DISC1: variants seen among roughly 807,000 people sequenced by gnomAD.
DISC1 encodes disrupted in schizophrenia 1 protein.
Under a neutral mutation model 84.5 loss-of-function variants are expected in DISC1, and 57 were observed. The observed-to-expected ratio is 0.67, with a 90% CI of 0.55 to 0.84. The LOEUF (loss-of-function observed/expected upper bound fraction) is 0.84. DISC1 is among the 40% of genes least tolerant of loss of function. The probability of loss-of-function intolerance (pLI) is 0.00; values close to 1 mark genes in which losing one functional copy is unlikely to be tolerated. For synonymous variants in DISC1, 411 were observed against 415.2 expected, an observed-to-expected ratio of 0.99 and a Z score of 0.12; for missense variants, 1,000 against 1,057.8, an observed-to-expected ratio of 0.95 and a Z score of 0.76.
rs114308099 is a variant in DISC1, at chr1:231,754,632, A to G, written c.1268+4556A>G. Among the ~76,000 whole-genome samples the G allele has an allele frequency of 7.3e-3, 1,105 of 152,306 alleles. 11 individuals carry two copies. The highest frequency in any genetic ancestry group is 0.025 in the African/African-American group (1,041 of 41,550). On this transcript the variant is annotated intron_variant, in intron 4 of 12. Coordinates refer to ENST00000439617, the MANE Select transcript of DISC1 (RefSeq NM_018662.3). ...TTGGGTGGGGACGCAGATCCAAACC[A>G]TAGCAGAGAGTGATGCTTTTATTCT...
At chr1:231,665,938 C>T (rs578222491) in intron 1 of DISC1, among the ~76,000 whole-genome samples, 1 of 152,176 alleles carries the variant, frequency 6.6e-6, no homozygotes, top group Non-Finnish European at 1.5e-5. Flanking sequence ...TCAGCTGCAT[C>T]GTCACCCTCT....
At chr1:231,720,450 T>G (rs2069502367) in intron 3 of DISC1, among the ~76,000 whole-genome samples, 1 of 152,146 alleles carries the variant, frequency 6.6e-6, no homozygotes, top group Non-Finnish European at 1.5e-5. Context: ...GCGATCCTCC[T>G]GCCTCAGCCT....
chr1:231,822,866 G>A (rs1464012494), intron 9 of DISC1, among the ~76,000 whole-genome samples: 3 of 152,062 alleles, frequency 2.0e-5, no homozygotes, highest in Admixed American at 6.6e-5. Flanking sequence ...AGAGAGAGAA[G>A]GGACATGACA....
intron 9 of DISC1, among the ~76,000 whole-genome samples, chr1:231,901,137 G>A (rs1194530493): frequency 6.6e-6 from 1 of 152,170 alleles, no homozygotes; most frequent in Non-Finnish European, 1.5e-5. Context: ...GTTCTCAAAT[G>A]TTATTGCTTC....
rs922932155 is a variant in DISC1, at chr1:231,630,622, A to T, written c.67+3688A>T. ...AACCACCGGTGAAGAGCCATTTTTC[A>T]GTCAGCACCGTTTAGTAATATAAGA... On this transcript the variant is annotated intron_variant, in intron 1 of 12. Coordinates refer to ENST00000439617, the MANE Select transcript of DISC1 (RefSeq NM_018662.3). This position sits in a 1 kb window ranked among gnomAD's most constrained non-coding sequence, Gnocchi z 4.4. Among the ~76,000 whole-genome samples, 1 of 152,150 alleles carries T rather than the reference A, an allele frequency of 6.6e-6. No homozygotes were observed. The highest frequency in any genetic ancestry group is 2.4e-5 in the African/African-American group (1 of 41,440).
intron 9 of DISC1, among the ~76,000 whole-genome samples, chr1:231,834,448 C>G (rs1174666807): frequency 2.0e-5 from 3 of 152,128 alleles, no homozygotes; most frequent in African/African-American, 7.2e-5. Flanking sequence ...AAAAGAATGT[C>G]TGGACGTCAG....
intron 6 of DISC1, among the ~76,000 whole-genome samples, chr1:231,782,629 A>C (rs1443680192): frequency 1.3e-5 from 2 of 152,226 alleles, no homozygotes; most frequent in Non-Finnish European, 2.9e-5. Flanking sequence ...TATATTTTAA[A>C]AATTAGTATT....
intron 9 of DISC1, among the ~76,000 whole-genome samples, chr1:231,834,520 A>T (rs2082484759): frequency 6.6e-6 from 1 of 152,186 alleles, no homozygotes; most frequent in African/African-American, 2.4e-5. Flanking sequence ...GGATGGAAAA[A>T]TTGAACGTGC....
chr1:231,658,624 T>C (rs565834675), intron 1 of DISC1, among the ~76,000 whole-genome samples: 1 of 152,346 alleles, frequency 6.6e-6, no homozygotes, highest in South Asian at 2.1e-4. Context: ...TTGTCATATA[T>C]GGCTCTTATT....
At chr1:231,888,228 T>A (rs2086916640) in intron 9 of DISC1, among the ~76,000 whole-genome samples, 1 of 151,962 alleles carries the variant, frequency 6.6e-6, no homozygotes, top group South Asian at 2.1e-4. Flanking sequence ...CAGGGATGGA[T>A]TTATGAGTCA....
intron 3 of DISC1, among the ~76,000 whole-genome samples, chr1:231,716,513 A>G (rs1023822354): frequency 6.6e-6 from 1 of 151,736 alleles, no homozygotes; most frequent in Non-Finnish European, 1.5e-5. Context: ...ATGACATTGG[A>G]TGACATTGAG....
chr1:231,823,675 A>G (rs111501281), intron 9 of DISC1, among the ~76,000 whole-genome samples: 3,176 of 152,242 alleles, frequency 0.021, 103 homozygotes, highest in African/African-American at 0.072. Flanking sequence ...TCAGGAATAC[A>G]TGTGCAGGTT....
chr1:231,820,730 C>A (rs930513657), intron 9 of DISC1, among the ~76,000 whole-genome samples: 1 of 152,198 alleles, frequency 6.6e-6, no homozygotes, highest in Non-Finnish European at 1.5e-5. Flanking sequence ...CATCTATCCC[C>A]TTTAAGTACG....
In DISC1 at chr1:232,040,600, T is replaced by A. The variant is rs1670744394; in HGVS notation, c.*3769T>A. ...ACCTAACAGTCAGAGACAGGCAGCA[T>A]GCTCTTAACTAGTGCTCTTCCTAAA... On this transcript the variant is annotated 3_prime_UTR_variant, in exon 13 of 13. Transcript: ENST00000439617. The A allele has an allele frequency of 6.6e-6, 1 of 152,204 alleles. No individual in the cohort carries two copies. The highest frequency in any genetic ancestry group is 6.5e-5 in the Admixed American group (1 of 15,274). 9.4% of individuals were successfully genotyped at this position (152,204 alleles called of 1,614,324 possible).
At chr1:232,019,714 G>A (rs988533206) in intron 11 of DISC1, among the ~76,000 whole-genome samples, 1 of 152,168 alleles carries the variant, frequency 6.6e-6, no homozygotes, top group Admixed American at 6.5e-5. Flanking sequence ...GATGGGACTG[G>A]ATACTCATGT....
chr1:231,866,985 A>T (rs2085108480), intron 9 of DISC1, among the ~76,000 whole-genome samples: 1 of 152,206 alleles, frequency 6.6e-6, no homozygotes, highest in Non-Finnish European at 1.5e-5. Context: ...GCCAGTCTTC[A>T]TGCCTTTAAA....
In DISC1 at chr1:231,998,141, C is replaced by T. The variant is rs1327422944; in HGVS notation, c.2043-10644C>T. ...AAGTTTCAGTAAATGCATTGAATGC[C>T]AAGTGGATTCAGCTGAAAAGCCAAT... On this transcript the variant is annotated intron_variant, in intron 10 of 12. Coordinates refer to ENST00000439617, the MANE Select transcript of DISC1 (RefSeq NM_018662.3). Among the ~76,000 whole-genome samples, 7 of 152,216 alleles carry T rather than the reference C, an allele frequency of 4.6e-5. No individual in the cohort carries two copies. In the East Asian group the frequency reaches 9.7e-4, roughly 21 times the overall value.
chr1:231,906,685 C>T (rs1238519121), intron 9 of DISC1, among the ~76,000 whole-genome samples: 2 of 152,092 alleles, frequency 1.3e-5, no homozygotes, highest in Non-Finnish European at 2.9e-5. Context: ...TAAAGCCGTT[C>T]AGGTTAGAGG....
rs2063924275 is a variant in DISC1, at chr1:231,683,639, C to G, written c.68-10187C>G. Among the ~76,000 whole-genome samples, 4 of 151,568 alleles carry G rather than the reference C, an allele frequency of 2.6e-5. No homozygotes were observed. In the South Asian group the frequency reaches 8.4e-4, roughly 32 times the overall value. On this transcript the variant is annotated intron_variant, in intron 1 of 12. Coordinates refer to ENST00000439617, the MANE Select transcript of DISC1 (RefSeq NM_018662.3). ...CCCTCCTGGAATCCCAGTGTGGTTTCCTTGGATGGTTTCTGGTCACTTTTT... is the reference window on the plus strand; with the variant it reads ...CCCTCCTGGAATCCCAGTGTGGTTTGCTTGGATGGTTTCTGGTCACTTTTT...
Sources: allele counts gnomAD v4.1 joint callset (sites outside exome capture counted in the v4.1 genomes callset), GRCh38; gene constraint gnomAD v4.1.1; non-coding constraint Gnocchi (gnomAD v3.1); transcripts MANE v1.5; gene names NCBI Gene and HGNC (gene_info 2026-07-23, HGNC 2026-07-21).